Variants in ABR observed in about 807,000 individuals in gnomAD.
The protein encoded by ABR is ABR activator of RhoGEF and GTPase, also known as active breakpoint cluster region-related protein.
A neutral mutation model predicts 107.2 loss-of-function variants in ABR; 35 were observed. The ratio of observed to expected loss-of-function variants is 0.33; its 90% CI spans 0.25 to 0.43. The LOEUF (loss-of-function observed/expected upper bound fraction) is 0.43, where lower values mean the gene tolerates loss of function less well. Among genes scored for constraint, ABR ranks in the 20% least tolerant of loss-of-function variants. The probability of loss-of-function intolerance (pLI) is 1.00; values close to 1 mark genes in which losing one functional copy is unlikely to be tolerated. For synonymous variants in ABR, 498 were observed against 462.0 expected (o/e 1.08, Z -1.00); for missense variants, 815 against 1,115.2 (o/e 0.73, Z 3.83).
At chr17:1,101,826 C>T (rs947855017) in intron 2 of ABR, among the ~76,000 whole-genome samples, 4 of 151,778 alleles carry the variant, frequency 2.6e-5, no homozygotes, top group Non-Finnish European at 5.9e-5. Flanking sequence ...CTCCGCCTCC[C>T]GGGTTCACGC....
chr17:1,180,851 G>A (rs2150646406), upstream of ABR, among the ~76,000 whole-genome samples: 1 of 152,340 alleles, frequency 6.6e-6, no homozygotes, highest in African/African-American at 2.4e-5. Flanking sequence ...AGCCATGGCA[G>A]CTTCCCCACA....
chr17:1,087,010 G>T (rs2586246), intron 4 of ABR, among the ~76,000 whole-genome samples: 44 of 152,218 alleles, frequency 2.9e-4, no homozygotes, highest in African/African-American at 1.1e-3. Flanking sequence ...CAGTCTGGAA[G>T]GCTATCCACC....
intron 2 of ABR, among the ~76,000 whole-genome samples, chr17:1,108,730 G>C (rs1464838117): frequency 1.3e-5 from 2 of 152,022 alleles, no homozygotes; most frequent in East Asian, 3.9e-4. Flanking sequence ...TGGCCTGGAG[G>C]GGGCGGCCAC....
At chr17:1,026,961 C>A (rs917478566) in intron 16 of ABR, among the ~76,000 whole-genome samples, 1 of 150,320 alleles carries the variant, frequency 6.7e-6, no homozygotes, top group African/African-American at 2.5e-5. Context: ...CCCAGACTCA[C>A]ACCTGCAGGC....
At chr17:1,202,111 CTTTTA>C (rs533941582) in intron 1 of ABR, among the ~76,000 whole-genome samples, 1 of 152,098 alleles carries the variant, frequency 6.6e-6, no homozygotes, top group African/African-American at 2.4e-5. Context: ...CCTTTGCCTC[CTTTTA>C]TTTATTTATT....
At chr17:1,127,082 G>A in intron 1 of ABR, among the ~76,000 whole-genome samples, 1 of 152,188 alleles carries the variant, frequency 6.6e-6, no homozygotes, top group East Asian at 1.9e-4. Context: ...TGGCCTTTTG[G>A]CAGCCGAGCG....
Position 1,018,911 on chromosome 17 carries a change from G to A in ABR, c.1792-5747C>T, listed in dbSNP as rs141168024. Among the ~76,000 whole-genome samples, 109 of 152,328 alleles carry A rather than the reference G, an allele frequency of 7.2e-4. No individual in the cohort carries two copies. In the East Asian group the frequency reaches 0.02, roughly 27 times the overall value. On this transcript the variant is annotated intron_variant, in intron 16 of 22. Coordinates refer to ENST00000302538, the MANE Select transcript of ABR (RefSeq NM_021962.5). Reference sequence around the variant, plus strand: ...ATGAGGATGCTGCAGCTTAACGAGAGTGAGGAATTTACCCAGTGCACACCT... The same window carrying A: ...ATGAGGATGCTGCAGCTTAACGAGAATGAGGAATTTACCCAGTGCACACCT...
In ABR at chr17:1,215,292, G is replaced by A. The variant is rs1252334220; in HGVS notation, c.838+13501C>T. ...CACGGTCTCCCTCTGATGCCGAGCC[G>A]AAGCTGGACTGTACTGCTGCCATCT... is the stretch of plus-strand genomic sequence containing the variant. On this transcript the variant is annotated intron_variant, in intron 1 of 22. Coordinates refer to the ABR transcript ENST00000574139. Among the ~76,000 whole-genome samples, 4 of 151,094 alleles carry A rather than the reference G, an allele frequency of 2.6e-5. No individual in the cohort carries two copies. In the East Asian group the frequency reaches 5.8e-4, roughly 22 times the overall value.
intron 16 of ABR, among the ~76,000 whole-genome samples, chr17:1,016,006 G>A (rs1389421430): frequency 6.6e-6 from 1 of 152,188 alleles, no homozygotes; most frequent in African/African-American, 2.4e-5. Context: ...CCTGGGCAAT[G>A]TAGGACCATG....
chr17:1,176,598 C>T lies in ABR; in HGVS notation c.61+3069G>A, dbSNP rs551969217. 2.4e-4 allele frequency among the ~76,000 whole-genome samples: 37 copies of T among 152,332 alleles called. 4 individuals are homozygous for T. The South Asian group carries it at 7.5e-3, about 31-fold the overall frequency. On this transcript the variant is annotated intron_variant, in intron 1 of 22. Transcript: ENST00000302538. ...CAGTGGCTCACGCCAGTAATCCCAG[C>T]ACTTTGGGAGGCCAAGGTGGGAAGA...
chr17:1,225,061 A>G (rs2043188242), intron 1 of ABR, among the ~76,000 whole-genome samples: 1 of 150,384 alleles, frequency 6.6e-6, no homozygotes, highest in South Asian at 2.2e-4. Context: ...AGGCAGGAGA[A>G]TGGTGTGAAC....
At position 1,070,437 on chromosome 17, in the gene ABR, C is replaced by T. The variant is rs1190722006; in HGVS notation, c.895-347G>A. ...TGGCACATTAAGTGTGTGCAACGCA[C>T]GGGGCTCTCCGCGGCTAACCCTGGA... On this transcript the variant is annotated intron_variant, in intron 8 of 22. Coordinates refer to ENST00000302538, the MANE Select transcript of ABR (RefSeq NM_021962.5). This position sits in a 1 kb window ranked among gnomAD's most constrained non-coding sequence, Gnocchi z 4.2. 1.3e-5 allele frequency among the ~76,000 whole-genome samples: 2 copies of T among 152,304 alleles called. No individual in the cohort carries two copies. The highest frequency in any genetic ancestry group is 1.9e-4 in the East Asian group (1 of 5,172).
intron 2 of ABR, among the ~76,000 whole-genome samples, chr17:1,110,350 GGTGCGGGTGAGGCC>G (rs2038596858): frequency 1.3e-5 from 2 of 152,096 alleles, no homozygotes; most frequent in African/African-American, 4.8e-5. Flanking sequence ...CACCCATGAG[GGTGCGGGTGAGGCC>G]TGCGGGTGAG....
At chr17:1,026,769 G>C in intron 16 of ABR, among the ~76,000 whole-genome samples, 1 of 152,314 alleles carries the variant, frequency 6.6e-6, no homozygotes, top group Middle Eastern at 3.4e-3. Flanking sequence ...GAGTTCACAG[G>C]GGAAACGAGG....
intron 16 of ABR, among the ~76,000 whole-genome samples, chr17:1,040,527 A>C (rs1193052659): frequency 2.6e-5 from 4 of 152,242 alleles, no homozygotes; most frequent in Admixed American, 2.6e-4. Flanking sequence ...CAGCAAAGCC[A>C]GTCTGACCCC....
At chr17:1,015,354 G>A (rs951807353) in intron 16 of ABR, among the ~76,000 whole-genome samples, 5 of 151,068 alleles carry the variant, frequency 3.3e-5, no homozygotes, top group Non-Finnish European at 7.4e-5. Flanking sequence ...AGGAGGTGGA[G>A]GTTGCATTGA....
In ABR at chr17:1,179,959, T is replaced by C. The variant is rs2042068085; in HGVS notation, c.-232A>G. On this transcript the variant is annotated 5_prime_UTR_variant, in exon 1 of 23. Transcript: ENST00000302538. This position sits in a 1 kb window ranked among gnomAD's most constrained non-coding sequence, Gnocchi z 4.9. ...CCCCAGCGGCCGCGCCGAGCCCAGC[T>C]GCGGATCCCGGAACCGATGAGCAAC... The C allele has an allele frequency of 1.9e-5, 3 of 158,498 alleles. No individual in the cohort carries two copies. Among genetic ancestry groups the C allele is most frequent in the Non-Finnish European group, 2.5e-5 (2 of 81,304 alleles). 9.8% of individuals were successfully genotyped at this position (158,498 alleles called of 1,614,324 possible).
chr17:1,088,082 C>G (rs1597751176), intron 4 of ABR, among the ~76,000 whole-genome samples: 1 of 152,160 alleles, frequency 6.6e-6, no homozygotes, highest in East Asian at 1.9e-4. Flanking sequence ...CAGACCTGAC[C>G]CGGCTCCCCC....
intron 16 of ABR, among the ~76,000 whole-genome samples, chr17:1,047,707 C>T (rs1381821961): frequency 6.6e-6 from 1 of 152,244 alleles, no homozygotes; most frequent in African/African-American, 2.4e-5. Flanking sequence ...CCTTACCAGA[C>T]TCTGCCTTCT....
Sources: allele counts gnomAD v4.1 joint callset (sites outside exome capture counted in the v4.1 genomes callset), GRCh38; gene constraint gnomAD v4.1.1; non-coding constraint Gnocchi (gnomAD v3.1); transcripts MANE v1.5; gene names NCBI Gene and HGNC (gene_info 2026-07-23, HGNC 2026-07-21).